The following PSTPIP2 variants were observed in gnomAD, a reference collection of about 807,000 sequenced individuals.
PSTPIP2 encodes the protein proline-serine-threonine phosphatase interacting protein 2.
Under a neutral mutation model 63.3 loss-of-function variants are expected in PSTPIP2, and 33 were observed. The observed-to-expected ratio is 0.52, with a 90% confidence interval of 0.40 to 0.70. PSTPIP2 has a LOEUF of 0.70. Ranked by LOEUF, PSTPIP2 falls within the 30% of genes least tolerant of loss-of-function variation. The pLI, the probability that PSTPIP2 is intolerant of heterozygous loss-of-function variation, is 0.00. For missense variants in PSTPIP2, 312 were observed against 400.7 expected (o/e 0.78, Z 1.89); for synonymous variants, 125 against 132.7 (o/e 0.94, Z 0.40).
intron 1 of PSTPIP2, among the ~76,000 whole-genome samples, chr18:46,057,806 G>T (rs1210817909): frequency 1.3e-5 from 2 of 151,790 alleles, no homozygotes; most frequent in South Asian, 4.2e-4. Flanking sequence ...GACCATCCTG[G>T]CTAACACGGT....
chr18:46,025,010 A>G (rs1004573666), intron 2 of PSTPIP2, among the ~76,000 whole-genome samples: 2 of 152,162 alleles, frequency 1.3e-5, no homozygotes, highest in Non-Finnish European at 2.9e-5. Context: ...GCCCTTTACC[A>G]TGCTATAGAG....
chr18:46,051,530 G>A (rs905622703), intron 1 of PSTPIP2, among the ~76,000 whole-genome samples: 3 of 152,118 alleles, frequency 2.0e-5, no homozygotes, highest in Admixed American at 6.5e-5. Flanking sequence ...TTTCTATTAT[G>A]TATGTTAAGG....
intron 5 of PSTPIP2, among the ~76,000 whole-genome samples, chr18:46,007,117 A>G (rs2051737045): frequency 1.3e-5 from 2 of 152,254 alleles, no homozygotes; most frequent in Admixed American, 6.5e-5. Context: ...CAAAAATGAT[A>G]TAACATTGAA....
intron 3 of PSTPIP2, among the ~76,000 whole-genome samples, chr18:46,022,063 CG>C (rs200710342): frequency 0.012 from 1,847 of 151,704 alleles, 38 homozygotes; most frequent in African/African-American, 0.042. Flanking sequence ...TTATTATGTT[CG>C]TTTTTTTACT....
At chr18:46,022,998 A>G (rs1907427292) in intron 3 of PSTPIP2, among the ~76,000 whole-genome samples, 1 of 152,172 alleles carries the variant, frequency 6.6e-6, no homozygotes, top group African/African-American at 2.4e-5. Context: ...CATTATCCTT[A>G]GCAAACTAAA....
chr18:46,040,864 T>C (rs1245495468), intron 1 of PSTPIP2, among the ~76,000 whole-genome samples: 1 of 152,200 alleles, frequency 6.6e-6, no homozygotes, highest in East Asian at 1.9e-4. Context: ...GGTCCCTCTA[T>C]GGATCCTCTA....
chr18:46,069,037 G>A (rs1292255940), intron 1 of PSTPIP2, among the ~76,000 whole-genome samples: 1 of 152,194 alleles, frequency 6.6e-6, no homozygotes, highest in Non-Finnish European at 1.5e-5. Context: ...CAGCAACTAG[G>A]AAGCTGGTCT....
chr18:45,999,277 G>A lies in PSTPIP2; in HGVS notation c.516+159C>T, dbSNP rs117807240. ...CGCTCTTCCCCTAACCCCCAAATAT[G>A]TGGCAGTGGTTTTTCAGGTTCAGAA... On this transcript the variant is annotated intron_variant, in intron 7 of 14. Transcript: ENST00000409746. Among the ~76,000 whole-genome samples, 584 of 152,246 alleles carry A rather than the reference G, an allele frequency of 3.8e-3. 1 individual carries two copies. The highest frequency in any genetic ancestry group is 6.6e-3 in the Non-Finnish European group (451 of 68,012).
chr18:46,024,653 C>A lies in PSTPIP2; in HGVS notation c.168G>T (p.Leu56=). The change falls in exon 3 of 15, where the codon CTG becomes CTT. Residue 56 remains leucine (L), a synonymous_variant. Coordinates refer to ENST00000409746, the MANE Select transcript of PSTPIP2 (RefSeq NM_024430.4). ...ACGGCTTCTTCCTAGAGAGGTTGAGCAGATCTTTGCCATACCTCTCTTCAA... is the reference window on the plus strand; with the variant it reads ...ACGGCTTCTTCCTAGAGAGGTTGAGAAGATCTTTGCCATACCTCTCTTCAA... ...AAIEERYGKD[L]LNLSRKKPCG... 6.2e-7 allele frequency: 1 copy of A among 1,614,114 alleles called. No homozygotes were observed. Among genetic ancestry groups the A allele is most frequent in the Non-Finnish European group, 8.5e-7 (1 of 1,179,988 alleles).
chr18:46,016,035 CT>C, intron 3 of PSTPIP2, 98 bp from the exon 4 acceptor site: 1 of 1,412,908 alleles, frequency 7.1e-7, no homozygotes, highest in Non-Finnish European at 9.8e-7. Context: ...CATATCTTAA[CT>C]TAGAAACTAC....
chr18:46,056,789 T>A (rs1908770962), intron 1 of PSTPIP2, among the ~76,000 whole-genome samples: 1 of 152,118 alleles, frequency 6.6e-6, no homozygotes, highest in African/African-American at 2.4e-5. Flanking sequence ...TTTGTTTTTT[T>A]AAAATATTAC....
intron 10 of PSTPIP2, among the ~76,000 whole-genome samples, chr18:45,993,204 C>T (rs139988726): frequency 0.029 from 4,433 of 152,188 alleles, 87 homozygotes; most frequent in Non-Finnish European, 0.034. Context: ...AAGCAATTCT[C>T]CCACCTCAGC....
At chr18:46,046,377 C>T (rs191923269) in intron 1 of PSTPIP2, among the ~76,000 whole-genome samples, 63 of 152,274 alleles carry the variant, frequency 4.1e-4, no homozygotes, top group African/African-American at 1.4e-3. Flanking sequence ...ATCTCCAGCC[C>T]GTTCCTCTCA....
intron 2 of PSTPIP2, among the ~76,000 whole-genome samples, chr18:46,031,968 C>T (rs950281727): frequency 2.6e-5 from 4 of 152,158 alleles, no homozygotes; most frequent in African/African-American, 9.7e-5. Flanking sequence ...GGAACAACCA[C>T]TGAGGTTGAG....
intron 9 of PSTPIP2, among the ~76,000 whole-genome samples, chr18:45,995,549 T>C (rs1295449410): frequency 6.6e-6 from 1 of 152,208 alleles, no homozygotes; most frequent in East Asian, 1.9e-4. Flanking sequence ...AACAGTGTTT[T>C]AGGAGAAGCA....
intron 3 of PSTPIP2, among the ~76,000 whole-genome samples, chr18:46,020,981 C>G (rs1907326205): frequency 6.6e-6 from 1 of 152,176 alleles, no homozygotes; most frequent in Non-Finnish European, 1.5e-5. Context: ...GAGAATACGG[C>G]CATTTTCCAT....
chr18:46,072,000 G>A (rs1195206691), intron 1 of PSTPIP2, among the ~76,000 whole-genome samples, 156 bp downstream of exon 1: 1 of 152,194 alleles, frequency 6.6e-6, no homozygotes, highest in Non-Finnish European at 1.5e-5. Flanking sequence ...AGTGGGGCTG[G>A]GGCCCCGATC....
At chr18:46,023,106 G>A (rs1002567756) in intron 3 of PSTPIP2, among the ~76,000 whole-genome samples, 1 of 152,142 alleles carries the variant, frequency 6.6e-6, no homozygotes, top group African/African-American at 2.4e-5. Flanking sequence ...ACACACTGGT[G>A]CCTATCAGAG....
In PSTPIP2 at chr18:45,984,773, C is replaced by T. The variant is rs1480590769; in HGVS notation, c.*686G>A. ...TGACATTTAAACCCTGGTGATTCTCCCAACTGAAAAAGTGCTGGCAAAAAT... is the reference window on the plus strand; with the variant it reads ...TGACATTTAAACCCTGGTGATTCTCTCAACTGAAAAAGTGCTGGCAAAAAT... On this transcript the variant is annotated 3_prime_UTR_variant, in exon 15 of 15. Transcript: ENST00000409746. The T allele has an allele frequency of 6.6e-6, 1 of 152,200 alleles. No homozygotes were observed. Among genetic ancestry groups the T allele is most frequent in the African/African-American group, 2.4e-5 (1 of 41,432 alleles). 9.4% of individuals were successfully genotyped at this position (152,200 alleles called of 1,614,324 possible).
Sources: gnomAD v4.1 joint callset for allele counts (sites outside exome capture counted in the v4.1 genomes callset) on GRCh38, gnomAD v4.1.1 for gene constraint, MANE v1.5 for transcripts, NCBI Gene and HGNC (gene_info 2026-07-23, HGNC 2026-07-21) for gene names.